PRR5L: variants seen among roughly 807,000 people sequenced by gnomAD.
PRR5L encodes proline rich 5 like, also known as proline-rich protein 5-like.
In PRR5L, 21 loss-of-function variants were observed where a neutral mutation model predicts 36.4. The ratio of observed to expected loss-of-function variants is 0.58; its 90% confidence interval spans 0.41 to 0.83. The LOEUF (loss-of-function observed/expected upper bound fraction) is 0.83. Among genes scored for constraint, PRR5L ranks in the 40% least tolerant of loss-of-function variants. The probability of loss-of-function intolerance (pLI) is 0.00; values close to 1 mark genes in which losing one functional copy is unlikely to be tolerated. For missense variants in PRR5L, 381 were observed against 473.3 expected (o/e 0.80, Z 1.81); for synonymous variants, 188 against 197.0 (o/e 0.95, Z 0.38).
At chr11:36,376,704 G>T (rs1019253609) in intron 1 of PRR5L, 1 of 989,020 alleles carries the variant, frequency 1.0e-6, no homozygotes, top group Non-Finnish European at 1.2e-6. Flanking sequence ...ACCCCAAGGA[G>T]GTGAGTGGTG....
chr11:36,301,704 A>T (rs1265196572), intron 1 of PRR5L, among the ~76,000 whole-genome samples: 1 of 152,182 alleles, frequency 6.6e-6, no homozygotes, highest in East Asian at 1.9e-4. Flanking sequence ...TCCATTCCTT[A>T]CAGAGCCCTT....
Position 36,463,819 on chromosome 11 carries a change from A to G in PRR5L, c.*1083A>G, listed in dbSNP as rs1590620480. ...TGTTAGGTCACAGAGCTCTAGAAGC[A>G]GCTGGACTTGAACCCACAATGGCTT... On this transcript the variant is annotated 3_prime_UTR_variant, in exon 9 of 9. Coordinates refer to ENST00000530639, the MANE Select transcript of PRR5L (RefSeq NM_001160167.2). 6.6e-6 allele frequency: 1 copy of G among 152,374 alleles called. No individual in the cohort carries two copies. Among genetic ancestry groups the G allele is most frequent in the African/African-American group, 2.4e-5 (1 of 41,544 alleles). The allele number at this position is 152,374 out of a possible 1,614,324, so 9.4% of individuals were successfully genotyped here.
Position 36,438,596 on chromosome 11 carries a change from C to CA in PRR5L, c.444+1121dup, listed in dbSNP as rs201010325. Among the ~76,000 whole-genome samples, 1,496 of 152,268 alleles carry CA rather than the reference C, an allele frequency of 9.8e-3. 14 individuals carry two copies. Among genetic ancestry groups the CA allele is most frequent in the Non-Finnish European group, 0.014 (966 of 68,028 alleles). On this transcript the variant is annotated intron_variant, in intron 6 of 8. Coordinates refer to ENST00000530639, the MANE Select transcript of PRR5L (RefSeq NM_001160167.2). ...CTTCCCCTTCCTTACAGTAGTCACT[C>CA]ATCAGCCATCAGTAAGTCTTGTCTC...
chr11:36,401,924 G>A (rs988298996), intron 2 of PRR5L, among the ~76,000 whole-genome samples: 2 of 152,158 alleles, frequency 1.3e-5, no homozygotes, highest in Non-Finnish European at 2.9e-5. Context: ...CCGAGAGTGG[G>A]CTTCTATAAG....
intron 1 of PRR5L, among the ~76,000 whole-genome samples, chr11:36,304,724 T>C (rs1856412641): frequency 6.6e-6 from 1 of 152,226 alleles, no homozygotes. Flanking sequence ...GATATATAAA[T>C]TAATTACCCT....
Position 36,462,311 on chromosome 11 carries a change from A to G in PRR5L, c.713-31A>G, listed in dbSNP as rs781507367. On this transcript the variant is annotated intron_variant, in intron 8 of 8. Transcript: ENST00000530639. ...TTTAAGCACCAATACCCCCTCCCCA[A>G]TAACAGTCTTTGCTGATTTTTCTCT... is the stretch of plus-strand genomic sequence containing the variant. 41 of 1,488,016 alleles carry G rather than the reference A, an allele frequency of 2.8e-5. No individual in the cohort carries two copies. The South Asian group carries it at 3.8e-4, about 14-fold the overall frequency. The allele number at this position is 1,488,016 out of a possible 1,614,324, so 92.2% of individuals were successfully genotyped here. A position where few individuals can be genotyped will look rare whatever the true frequency, so the allele number is the denominator to read the frequency against.
At chr11:36,420,611 G>A (rs1212755319) in intron 4 of PRR5L, among the ~76,000 whole-genome samples, 1 of 152,188 alleles carries the variant, frequency 6.6e-6, no homozygotes, top group Non-Finnish European at 1.5e-5. Flanking sequence ...ATTCTAAGGT[G>A]TAATCCATCT....
chr11:36,308,439 T>A (rs1024711221), intron 1 of PRR5L, among the ~76,000 whole-genome samples: 18 of 152,348 alleles, frequency 1.2e-4, no homozygotes, highest in African/African-American at 4.1e-4. Flanking sequence ...CTCCACTAGA[T>A]AATTTCTACC....
intron 2 of PRR5L, among the ~76,000 whole-genome samples, chr11:36,402,133 G>A (rs1857810631): frequency 2.0e-5 from 3 of 152,198 alleles, no homozygotes; most frequent in Non-Finnish European, 4.4e-5. Flanking sequence ...TGTCTTATAT[G>A]CTTGTGGGCT....
intron 1 of PRR5L, among the ~76,000 whole-genome samples, chr11:36,351,260 ATATT>A (rs1206382951): frequency 0.013 from 284 of 21,180 alleles, 14 homozygotes; most frequent in African/African-American, 0.055. Context: ...TTATATATGT[ATATT>A]TATATATTTA....
At chr11:36,325,524 G>A (rs1361029989) in intron 1 of PRR5L, among the ~76,000 whole-genome samples, 1 of 152,236 alleles carries the variant, frequency 6.6e-6, no homozygotes, top group Non-Finnish European at 1.5e-5. Flanking sequence ...GAATGCCTGG[G>A]TTTATATCCT....
intron 1 of PRR5L, among the ~76,000 whole-genome samples, chr11:36,346,066 A>G (rs1256040110): frequency 6.6e-6 from 1 of 151,936 alleles, no homozygotes. Flanking sequence ...TTATTTTTTA[A>G]TTTTTTTGTA....
intron 1 of PRR5L, chr11:36,376,410 A>G: frequency 2.6e-6 from 3 of 1,147,746 alleles, no homozygotes; most frequent in Non-Finnish European, 3.3e-6. Flanking sequence ...GAAACGTGTC[A>G]CCAGCCCGGC....
At chr11:36,339,584 G>A (rs1235206552) in intron 1 of PRR5L, among the ~76,000 whole-genome samples, 3 of 152,046 alleles carry the variant, frequency 2.0e-5, no homozygotes, top group African/African-American at 4.8e-5. Context: ...TGACATCTAG[G>A]AGGTACACAC....
intron 1 of PRR5L, among the ~76,000 whole-genome samples, chr11:36,382,317 G>A (rs569651911): frequency 9.8e-5 from 15 of 152,314 alleles, no homozygotes; most frequent in African/African-American, 3.6e-4. Flanking sequence ...TAAGCAAGCT[G>A]TATGACCATG....
At chr11:36,446,044 AG>A (rs1858821655) in intron 6 of PRR5L, among the ~76,000 whole-genome samples, 1 of 152,122 alleles carries the variant, frequency 6.6e-6, no homozygotes, top group Non-Finnish European at 1.5e-5. Context: ...CACTTATAAT[AG>A]TGTGGCCCTG....
intron 7 of PRR5L, among the ~76,000 whole-genome samples, chr11:36,448,780 G>T (rs1327174578): frequency 6.6e-6 from 1 of 152,164 alleles, no homozygotes; most frequent in African/African-American, 2.4e-5. Flanking sequence ...CAAGGAAATG[G>T]TTCCTCCTGT....
At chr11:36,372,065 TAAA>T (rs969651849) in intron 1 of PRR5L, among the ~76,000 whole-genome samples, 1 of 151,608 alleles carries the variant, frequency 6.6e-6, no homozygotes, top group Non-Finnish European at 1.5e-5. Context: ...CTCAAAAAAA[TAAA>T]AAAAAATAAT....
chr11:36,420,834 A>ACACACACACAC (rs1858247550), intron 4 of PRR5L, among the ~76,000 whole-genome samples: 1 of 139,302 alleles, frequency 7.2e-6, no homozygotes, highest in Admixed American at 7.3e-5. Flanking sequence ...CAGTTGTTTA[A>ACACACACACAC]ACACACACAC....
Sources: gnomAD v4.1 joint callset for allele counts (sites outside exome capture counted in the v4.1 genomes callset) on GRCh38, gnomAD v4.1.1 for gene constraint, MANE v1.5 for transcripts, NCBI Gene and HGNC (gene_info 2026-07-23, HGNC 2026-07-21) for gene names.